Variants in ABCC5 observed in about 807,000 individuals in gnomAD.
ABCC5 encodes ATP-binding cassette sub-family C member 5.
ABCC5 carries 61 observed loss-of-function variants against 160.9 expected under a neutral mutation model. The observed-to-expected ratio is 0.38, with a 90% confidence interval of 0.31 to 0.47. ABCC5 has a LOEUF of 0.47. Ranked by LOEUF, ABCC5 falls within the 20% of genes least tolerant of loss-of-function variation. The pLI is 0.99. For synonymous variants in ABCC5, 666 were observed against 700.6 expected (o/e 0.95, Z 0.78); for missense variants, 1,308 against 1,813.3 (o/e 0.72, Z 5.06).
intron 17 of ABCC5, among the ~76,000 whole-genome samples, chr3:183,957,575 C>T (rs1421271330): frequency 6.6e-6 from 1 of 151,608 alleles, no homozygotes; most frequent in Non-Finnish European, 1.5e-5. Context: ...TACATCACAT[C>T]GGTTACATGC....
intron 8 of ABCC5, among the ~76,000 whole-genome samples, chr3:183,979,066 G>A (rs1043860127): frequency 2.6e-5 from 4 of 152,238 alleles, no homozygotes; most frequent in African/African-American, 4.8e-5. Context: ...TAAGAGGCCA[G>A]GTGCGGTGGC....
intron 26 of ABCC5, among the ~76,000 whole-genome samples, chr3:183,931,370 A>G (rs968423415): frequency 3.0e-4 from 43 of 141,292 alleles, no homozygotes; most frequent in African/African-American, 1.2e-3. Flanking sequence ...TCTGTCACCC[A>G]GGCTGGAGTG....
At position 184,017,088 on chromosome 3, in the gene ABCC5, TCTC is replaced by T. The variant is rs1323073151; in HGVS notation, c.-56+739_-56+741del. On this transcript the variant is annotated intron_variant, in intron 1 of 29. Coordinates refer to ENST00000334444, the MANE Select transcript of ABCC5 (RefSeq NM_005688.4). This position sits in a 1 kb window ranked among gnomAD's most constrained non-coding sequence, Gnocchi z 4.5. Reference sequence around the variant, plus strand: ...TGCGGACCACAGTAAAACCTAGCCATCTCCTCCTCCAAGACCTCCTGAAACTTT... The same window carrying T: ...TGCGGACCACAGTAAAACCTAGCCATCTCCTCCAAGACCTCCTGAAACTTT... 1.3e-5 allele frequency among the ~76,000 whole-genome samples: 2 copies of T among 152,102 alleles called. No individual in the cohort carries two copies. Among genetic ancestry groups the T allele is most frequent in the Non-Finnish European group, 2.9e-5 (2 of 68,010 alleles).
chr3:183,957,629 T>C (rs1349157563), intron 17 of ABCC5, among the ~76,000 whole-genome samples: 2 of 151,464 alleles, frequency 1.3e-5, no homozygotes, highest in Non-Finnish European at 3.0e-5. Flanking sequence ...GATCCATGTG[T>C]AAATCACATC....
chr3:184,015,411 C>A (rs1055703455), intron 1 of ABCC5, among the ~76,000 whole-genome samples: 4 of 152,188 alleles, frequency 2.6e-5, no homozygotes, highest in African/African-American at 9.7e-5. Flanking sequence ...TAGCCTCCAA[C>A]GGAAATTAAA....
chr3:183,984,295 C>T, intron 5 of ABCC5: 2 of 985,562 alleles, frequency 2.0e-6, no homozygotes, highest in Non-Finnish European at 2.4e-6. Flanking sequence ...AAAAATAAAA[C>T]AAAAAACCAC....
intron 25 of ABCC5, chr3:183,942,312 G>C (rs1252828225): frequency 2.2e-6 from 1 of 447,330 alleles, no homozygotes; most frequent in African/African-American, 2.0e-5. Context: ...GGGATTACAG[G>C]CATGAGCCAC....
At chr3:183,967,496 G>A (rs1302375501) in intron 12 of ABCC5, 199 bp downstream of exon 12, 6 of 560,856 alleles carry the variant, frequency 1.1e-5, no homozygotes, top group African/African-American at 5.7e-5. Flanking sequence ...TCCATCAGGC[G>A]CCCACCAGGC....
chr3:184,010,469 G>C (rs1721635161), intron 2 of ABCC5: 1 of 152,364 alleles, frequency 6.6e-6, no homozygotes, highest in South Asian at 2.1e-4. Flanking sequence ...AAGCCCAGCG[G>C]TGCCTACCTG....
At chr3:183,945,371 A>G (rs1714741925) in intron 24 of ABCC5, among the ~76,000 whole-genome samples, 1 of 152,154 alleles carries the variant, frequency 6.6e-6, no homozygotes, top group Admixed American at 6.5e-5. Flanking sequence ...AAGTTGGGAG[A>G]GCAGTTTAGA....
rs1222913520 is a variant in ABCC5, at chr3:183,951,821, C to T, written c.2814+36G>A. The T allele has an allele frequency of 1.2e-6, 2 of 1,601,216 alleles. No individual in the cohort carries two copies. The highest frequency in any genetic ancestry group is 1.3e-5 in the African/African-American group (1 of 74,872). On this transcript the variant is annotated intron_variant, in intron 19 of 29. Transcript: ENST00000334444. This position sits in a 1 kb window ranked among gnomAD's most constrained non-coding sequence, Gnocchi z 4.7. ...ACACCAAAGCCTGACCACAGGTCAC[C>T]AGGGAGGAGGGCAGAGACCACCCAC... is the stretch of plus-strand genomic sequence containing the variant.
Position 183,951,990 on chromosome 3 carries a change from G to C in ABCC5, c.2681C>G (p.Thr894Ser). The change falls in exon 19 of 30, where the codon ACT becomes AGT. Residue 894 changes from threonine (T) to serine (S), a missense_variant. This residue lies in a region of ABCC5 where 1,142 missense variants were observed against 1,527.1 expected (regional missense o/e 0.75). Transcript: ENST00000334444. The surrounding 1 kb of genome is among the most constrained non-coding windows in gnomAD (Gnocchi z 4.7). ...IKQGSGNTTV[T>S]RGNETSVSDS... ...ACTCACCGAGGTCTCGTTCCCTCGAGTCACAGTGGTGTTCTGTTTGAAGCC... is the reference window on the plus strand; with the variant it reads ...ACTCACCGAGGTCTCGTTCCCTCGACTCACAGTGGTGTTCTGTTTGAAGCC... 6.2e-7 allele frequency: 1 copy of C among 1,611,588 alleles called. No homozygotes were observed. The highest frequency in any genetic ancestry group is 8.5e-7 in the Non-Finnish European group (1 of 1,178,082).
chr3:184,002,398 CAAAA>C (rs541060257), intron 2 of ABCC5, among the ~76,000 whole-genome samples: 2 of 105,680 alleles, frequency 1.9e-5, no homozygotes, highest in African/African-American at 3.6e-5. Context: ...GACTCCGTCT[CAAAA>C]AAAAAAAAAA....
chr3:183,990,890 A>G (rs1243369843), intron 2 of ABCC5, among the ~76,000 whole-genome samples: 1 of 152,224 alleles, frequency 6.6e-6, no homozygotes, highest in East Asian at 1.9e-4. Flanking sequence ...TCAAACGTTT[A>G]TGCTTTCCTG....
At chr3:183,976,316 A>G (rs758749561) in intron 10 of ABCC5, among the ~76,000 whole-genome samples, 4 of 148,866 alleles carry the variant, frequency 2.7e-5, no homozygotes, top group Non-Finnish European at 4.4e-5. Flanking sequence ...GTGCAGTGCC[A>G]TGATCATAAC....
intron 29 of ABCC5, 118 bp downstream of exon 29, chr3:183,925,437 T>C: frequency 9.8e-7 from 1 of 1,022,948 alleles, no homozygotes; most frequent in Non-Finnish European, 1.4e-6. Context: ...TAAATAGCGC[T>C]GCTGCAAGTG....
At chr3:183,995,953 A>G (rs1029688377) in intron 2 of ABCC5, among the ~76,000 whole-genome samples, 13 of 151,760 alleles carry the variant, frequency 8.6e-5, no homozygotes, top group Non-Finnish European at 1.6e-4. Context: ...GATTACAGGC[A>G]CCCGCCACCA....
chr3:183,977,449 G>T (rs2293000), intron 10 of ABCC5, 68 bp downstream of exon 10: 7 of 1,263,964 alleles, frequency 5.5e-6, no homozygotes, highest in South Asian at 2.5e-5. Context: ...GTGGCCCCTT[G>T]AACAGAGCCA....
At chr3:183,942,475 G>A in intron 25 of ABCC5, 1 of 641,430 alleles carries the variant, frequency 1.6e-6, no homozygotes, top group East Asian at 3.2e-5. Flanking sequence ...AGAGTTGTGG[G>A]TGCTGCTCCT....
Sources: allele counts gnomAD v4.1 joint callset (sites outside exome capture counted in the v4.1 genomes callset), GRCh38; gene constraint gnomAD v4.1.1; regional missense constraint gnomAD v4.1.1; non-coding constraint Gnocchi (gnomAD v3.1); transcripts MANE v1.5; gene names NCBI Gene and HGNC (gene_info 2026-07-23, HGNC 2026-07-21).